Variants in MED13 observed in about 807,000 individuals in gnomAD.
The protein encoded by MED13 is mediator complex subunit 13.
Under a neutral mutation model 225.2 loss-of-function variants are expected in MED13, and 23 were observed. The ratio of observed to expected loss-of-function variants is 0.10; its 90% confidence interval spans 0.07 to 0.14. The LOEUF (loss-of-function observed/expected upper bound fraction) is 0.14. Among genes scored for constraint, MED13 ranks in the 10% least tolerant of loss-of-function variants. The pLI is 1.00. For synonymous variants in MED13, 942 were observed against 889.2 expected, an observed-to-expected ratio of 1.06 and a Z score of -1.06; for missense variants, 2,197 against 2,594.5, an observed-to-expected ratio of 0.85 and a Z score of 3.33.
intron 8 of MED13, among the ~76,000 whole-genome samples, chr17:62,022,376 A>G (rs1405839294): frequency 2.6e-5 from 4 of 152,056 alleles, no homozygotes; most frequent in African/African-American, 9.7e-5. Flanking sequence ...AGCAAGCACA[A>G]GCAAAAAACA....
At chr17:62,029,493 G>T (rs9899780) in intron 8 of MED13, 48 bp downstream of exon 8, 3 of 1,405,080 alleles carry the variant, frequency 2.1e-6, no homozygotes, top group South Asian at 1.2e-5. Flanking sequence ...ATTCAGTGGC[G>T]TAACAAACTA....
intron 9 of MED13, among the ~76,000 whole-genome samples, chr17:62,002,155 G>A (rs989930819): frequency 1.3e-5 from 2 of 152,090 alleles, no homozygotes; most frequent in Non-Finnish European, 2.9e-5. Flanking sequence ...CTTTAAAATT[G>A]TAAGTGCTTC....
chr17:62,051,940 G>C (rs1210349732), intron 3 of MED13, among the ~76,000 whole-genome samples: 1 of 152,138 alleles, frequency 6.6e-6, no homozygotes. Flanking sequence ...AATTGCATAG[G>C]AGAAGGAGGT....
At chr17:61,990,414 T>C (rs183417243) in intron 11 of MED13, among the ~76,000 whole-genome samples, 1 of 152,116 alleles carries the variant, frequency 6.6e-6, no homozygotes, top group Non-Finnish European at 1.5e-5. Context: ...GGGGTTACAA[T>C]AGGAGACTAA....
chr17:62,062,577 A>C (rs1461090448), intron 2 of MED13, among the ~76,000 whole-genome samples: 1 of 92,982 alleles, frequency 1.1e-5, no homozygotes, highest in Non-Finnish European at 1.9e-5. Flanking sequence ...ACATGCCTTA[A>C]AACACACACA....
chr17:61,984,583 A>G, intron 14 of MED13, 68 bp downstream of exon 14: 4 of 1,369,226 alleles, frequency 2.9e-6, no homozygotes, highest in Non-Finnish European at 3.0e-6. Context: ...ATTTTTGACT[A>G]TAGCAACAAA....
chr17:62,046,789 T>C lies in MED13; in HGVS notation c.470+5748A>G, dbSNP rs113770451. 3.2e-3 allele frequency among the ~76,000 whole-genome samples: 492 copies of C among 152,154 alleles called. 4 individuals carry two copies. The highest frequency in any genetic ancestry group is 5.6e-3 in the Non-Finnish European group (381 of 67,990). Reference sequence around the variant, plus strand: ...CAGTTTGGGCTGCAATGAGCCATGATTGTGCCACTGCACTCCAGCCTGGGT... The same window carrying C: ...CAGTTTGGGCTGCAATGAGCCATGACTGTGCCACTGCACTCCAGCCTGGGT... On this transcript the variant is annotated intron_variant, in intron 3 of 29. Transcript: ENST00000397786.
intron 11 of MED13, among the ~76,000 whole-genome samples, chr17:61,992,122 A>AT (rs1265895252): frequency 1.3e-5 from 2 of 151,932 alleles, no homozygotes; most frequent in Non-Finnish European, 2.9e-5. Context: ...TCTTTCTCCC[A>AT]TTTTTTTCAA....
chr17:61,976,411 G>A (rs1408833369), intron 16 of MED13, among the ~76,000 whole-genome samples: 3 of 152,148 alleles, frequency 2.0e-5, no homozygotes, highest in African/African-American at 7.2e-5. Flanking sequence ...AAGAAGGTTG[G>A]ACGGAAAAAG....
chr17:61,967,499 AG>A (rs1194870603), intron 18 of MED13, among the ~76,000 whole-genome samples: 4 of 152,214 alleles, frequency 2.6e-5, no homozygotes, highest in African/African-American at 9.6e-5. Flanking sequence ...TGGAAAAAGG[AG>A]GGAATAATAA....
At chr17:61,946,728 G>T in intron 29 of MED13, 128 bp from the exon 30 acceptor site, 2 of 1,222,738 alleles carry the variant, frequency 1.6e-6, no homozygotes, top group Non-Finnish European at 2.3e-6. Context: ...GTCCTTGAGG[G>T]GAAAGAAGCA....
At chr17:62,047,334 G>A (rs1279881038) in intron 3 of MED13, among the ~76,000 whole-genome samples, 1 of 152,136 alleles carries the variant, frequency 6.6e-6, no homozygotes, top group Non-Finnish European at 1.5e-5. Flanking sequence ...TCATGCCACT[G>A]TACTCCACCC....
At chr17:62,060,644 CA>C (rs565314177) in intron 2 of MED13, among the ~76,000 whole-genome samples, 20,218 of 84,582 alleles carry the variant, frequency 0.24, 1,641 homozygotes, top group East Asian at 0.56. Context: ...GACTCCGTCT[CA>C]AAAAAAAAAA....
At chr17:61,970,507 C>T (rs540868227) in intron 17 of MED13, among the ~76,000 whole-genome samples, 2 of 151,934 alleles carry the variant, frequency 1.3e-5, no homozygotes, top group Admixed American at 6.6e-5. Context: ...ATGGCAAAAT[C>T]CCATCTCTAG....
intron 9 of MED13, among the ~76,000 whole-genome samples, chr17:62,008,535 A>G (rs2080476272): frequency 6.6e-6 from 1 of 152,088 alleles, no homozygotes. Flanking sequence ...AGAAGACAGT[A>G]AAGCAATGCC....
chr17:61,972,780 T>G lies in MED13; in HGVS notation c.3914A>C (p.Gln1305Pro), dbSNP rs2080121231. The part of the protein sequence containing the change: ...KKRTVRPWGV[Q>P]GPLTWQQFHK... ...AAATTGTTGCCAAGTGAGAGGACCC[T>G]GAACACCCCAAGGTCTTACTGTTCT... The change falls in exon 17 of 30, where the codon CAG becomes CCG. Residue 1305 changes from glutamine (Q) to proline (P), a missense_variant. Gln to Pro is a moderately conservative substitution (Grantham distance 76). This residue lies in a region of MED13 where 203 missense variants were observed against 209.7 expected (regional missense o/e 0.97). Coordinates refer to ENST00000397786, the MANE Select transcript of MED13 (RefSeq NM_005121.3). The G allele has an allele frequency of 2.5e-6, 4 of 1,613,758 alleles. No homozygotes were observed. In the East Asian group the frequency reaches 8.9e-5, roughly 36 times the overall value.
intron 3 of MED13, among the ~76,000 whole-genome samples, chr17:62,038,480 T>C (rs1013218701): frequency 6.6e-6 from 1 of 152,154 alleles, no homozygotes; most frequent in South Asian, 2.1e-4. Context: ...TTAAAAATTA[T>C]TTTAAAAGCA....
chr17:61,995,317 C>G lies in MED13; in HGVS notation c.2016G>C (p.Val672=). The G allele has an allele frequency of 6.2e-7, 1 of 1,613,382 alleles. No individual in the cohort carries two copies. The highest frequency in any genetic ancestry group is 8.5e-7 in the Non-Finnish European group (1 of 1,179,846). ...ACTGGTTTTTAATTTGATATTGCTGCACTAATTCATCAGAAACTTTTAAAG... is the reference window on the plus strand; with the variant it reads ...ACTGGTTTTTAATTTGATATTGCTGGACTAATTCATCAGAAACTTTTAAAG... ...KKPLKVSDEL[V]QQYQIKNQCL... Residue 672 remains valine (V), a synonymous_variant, in exon 10 of 30, where the codon GTG becomes GTC. Transcript: ENST00000397786.
intron 23 of MED13, among the ~76,000 whole-genome samples, chr17:61,957,448 C>G (rs2079956830): frequency 6.6e-6 from 1 of 151,942 alleles, no homozygotes; most frequent in Non-Finnish European, 1.5e-5. Context: ...CTCCTGGGTT[C>G]AAGTGATTCT....
Sources: gnomAD v4.1 joint callset for allele counts (sites outside exome capture counted in the v4.1 genomes callset) on GRCh38, gnomAD v4.1.1 for gene constraint, gnomAD v4.1.1 regional missense constraint, MANE v1.5 for transcripts, NCBI Gene and HGNC (gene_info 2026-07-23, HGNC 2026-07-21) for gene names.